CDH11: variants seen among roughly 807,000 people sequenced by gnomAD.
The protein encoded by CDH11 is cadherin-11.
CDH11 carries 11 observed loss-of-function variants against 67.8 expected under a neutral mutation model. The ratio of observed to expected loss-of-function variants is 0.16; its 90% CI spans 0.10 to 0.27. The LOEUF is 0.27. Among genes scored for constraint, CDH11 ranks in the 10% least tolerant of loss-of-function variants. The pLI, the probability that CDH11 is intolerant of heterozygous loss-of-function variation, is 1.00. For synonymous variants in CDH11, 419 were observed against 400.0 expected (o/e 1.05, Z -0.57); for missense variants, 847 against 1,031.2 (o/e 0.82, Z 2.45).
chr16:64,974,879 G>A (rs949854195), intron 8 of CDH11, among the ~76,000 whole-genome samples: 1 of 152,196 alleles, frequency 6.6e-6, no homozygotes, highest in African/African-American at 2.4e-5. Context: ...TTGGGTTTTG[G>A]AAGTCCTAAG....
At chr16:65,005,095 C>T in intron 2 of CDH11, 54 bp from the exon 3 acceptor site, 1 of 1,330,214 alleles carries the variant, frequency 7.5e-7, no homozygotes, top group African/African-American at 1.5e-5. Context: ...ACTTCATTTC[C>T]ATTCCTTTCA....
intron 2 of CDH11, among the ~76,000 whole-genome samples, chr16:65,041,789 C>A (rs1472224788): frequency 6.6e-6 from 1 of 152,212 alleles, no homozygotes; most frequent in Non-Finnish European, 1.5e-5. Flanking sequence ...GATGCACAGA[C>A]TTTCCTGCTG....
At chr16:65,035,329 G>A (rs1321371855) in intron 2 of CDH11, among the ~76,000 whole-genome samples, 1 of 152,178 alleles carries the variant, frequency 6.6e-6, no homozygotes, top group Non-Finnish European at 1.5e-5. Context: ...GCGAAGTGAG[G>A]TTCAGAAGAC....
intron 1 of CDH11, among the ~76,000 whole-genome samples, chr16:65,064,509 G>A (rs990746430): frequency 1.3e-5 from 2 of 152,196 alleles, no homozygotes; most frequent in Non-Finnish European, 2.9e-5. Flanking sequence ...CCCACCAATT[G>A]CCAGATTACT....
At chr16:64,996,233 T>C (rs1238395207) in intron 4 of CDH11, among the ~76,000 whole-genome samples, 1 of 152,230 alleles carries the variant, frequency 6.6e-6, no homozygotes, top group African/African-American at 2.4e-5. Flanking sequence ...CTTATGCCTG[T>C]AATCCTAGCA....
chr16:65,091,677 G>A (rs897216860), intron 1 of CDH11, among the ~76,000 whole-genome samples: 2 of 150,892 alleles, frequency 1.3e-5, no homozygotes, highest in South Asian at 2.1e-4. Context: ...TCAGCCTCCC[G>A]AGTAGCTGAG....
At chr16:65,050,770 A>G (rs553166974) in intron 2 of CDH11, among the ~76,000 whole-genome samples, 4 of 151,688 alleles carry the variant, frequency 2.6e-5, no homozygotes, top group Non-Finnish European at 5.9e-5. Context: ...GAACTCTTCA[A>G]AATAGACTGT....
intron 1 of CDH11, among the ~76,000 whole-genome samples, chr16:65,090,817 T>C (rs1477762657): frequency 6.6e-6 from 1 of 152,228 alleles, no homozygotes; most frequent in East Asian, 1.9e-4. Context: ...AAAGGTGTGA[T>C]GACTAATTCA....
rs1037866971 is a variant in CDH11, at chr16:64,945,855, G to A, written c.*1748C>T. ...TTCACAATAAAGTCAGAAAAAAACTGTAAAAATTGTCTGCAATCCAAGAAA... is the reference window on the plus strand; with the variant it reads ...TTCACAATAAAGTCAGAAAAAAACTATAAAAATTGTCTGCAATCCAAGAAA... On this transcript the variant is annotated 3_prime_UTR_variant, in exon 13 of 13. Coordinates refer to ENST00000268603, the MANE Select transcript of CDH11 (RefSeq NM_001797.4). 1.0e-5 allele frequency: 11 copies of A among 1,053,880 alleles called. No individual in the cohort carries two copies. The highest frequency in any genetic ancestry group is 1.3e-5 in the Non-Finnish European group (11 of 872,202). 65.3% of individuals were successfully genotyped at this position (1,053,880 alleles called of 1,614,324 possible).
intron 2 of CDH11, among the ~76,000 whole-genome samples, chr16:65,047,601 T>C (rs564742077): frequency 2.0e-5 from 3 of 152,198 alleles, no homozygotes; most frequent in Admixed American, 6.5e-5. Flanking sequence ...CTGCCCACCT[T>C]GGCCTCCCTA....
chr16:64,993,238 T>TTC (rs2072678737), intron 4 of CDH11, among the ~76,000 whole-genome samples: 1 of 73,116 alleles, frequency 1.4e-5, no homozygotes, highest in African/African-American at 4.0e-5. Context: ...TCCTTCCTGC[T>TTC]CTATAAAAAT....
intron 2 of CDH11, among the ~76,000 whole-genome samples, chr16:65,009,142 G>A (rs1310318476): frequency 1.3e-5 from 2 of 151,944 alleles, no homozygotes; most frequent in African/African-American, 4.8e-5. Flanking sequence ...GAAGGCTGCA[G>A]GTCAAATTTA....
At chr16:65,091,449 C>A (rs895285701) in intron 1 of CDH11, among the ~76,000 whole-genome samples, 1 of 152,116 alleles carries the variant, frequency 6.6e-6, no homozygotes, top group African/African-American at 2.4e-5. Context: ...CGTACCTCAG[C>A]ACATCAATGT....
intron 8 of CDH11, among the ~76,000 whole-genome samples, chr16:64,976,120 G>T (rs1416685843): frequency 6.6e-6 from 1 of 152,200 alleles, no homozygotes; most frequent in Non-Finnish European, 1.5e-5. Context: ...ACAACAGACA[G>T]TATCATAAAT....
At chr16:65,070,198 ATGGGG>A (rs1417784835) in intron 1 of CDH11, among the ~76,000 whole-genome samples, 3 of 152,170 alleles carry the variant, frequency 2.0e-5, no homozygotes, top group Non-Finnish European at 4.4e-5. Context: ...CCGTTATTTT[ATGGGG>A]CAACAAATTC....
At chr16:65,102,398 T>A (rs1050946724) in intron 1 of CDH11, among the ~76,000 whole-genome samples, 2 of 151,994 alleles carry the variant, frequency 1.3e-5, no homozygotes, top group Admixed American at 1.3e-4. Flanking sequence ...CCCACTCTCC[T>A]AAAAAAAAGT....
chr16:64,965,771 AACACACACACACAC>A lies in CDH11; in HGVS notation c.1642+5794_1642+5807del, dbSNP rs55992835. Among the ~76,000 whole-genome samples, 487 of 146,000 alleles carry A rather than the reference AACACACACACACAC, an allele frequency of 3.3e-3. 1 individual carries two copies. The highest frequency in any genetic ancestry group is 0.012 in the East Asian group (57 of 4,932). ...CAAGACATTGTTATGCGGTGCATGA[AACACACACACACAC>A]ACACACACACACACACACACACACA... On this transcript the variant is annotated intron_variant, in intron 11 of 12. Coordinates refer to ENST00000268603, the MANE Select transcript of CDH11 (RefSeq NM_001797.4).
intron 11 of CDH11, among the ~76,000 whole-genome samples, chr16:64,960,225 G>A (rs1597017671): frequency 6.6e-6 from 1 of 152,194 alleles, no homozygotes; most frequent in Admixed American, 6.5e-5. Context: ...AGAATATTCT[G>A]GCATCAAATG....
At chr16:65,075,844 A>G (rs1158497958) in intron 1 of CDH11, among the ~76,000 whole-genome samples, 1 of 152,246 alleles carries the variant, frequency 6.6e-6, no homozygotes, top group Non-Finnish European at 1.5e-5. Flanking sequence ...TATCTCATCC[A>G]TAACATATAA....
Sources: allele counts gnomAD v4.1 joint callset (sites outside exome capture counted in the v4.1 genomes callset), GRCh38; gene constraint gnomAD v4.1.1; transcripts MANE v1.5; gene names NCBI Gene and HGNC (gene_info 2026-07-23, HGNC 2026-07-21).